GMPR: variants seen among roughly 807,000 people sequenced by gnomAD.
GMPR encodes guanosine monophosphate reductase, also known as GMP reductase 1.
In GMPR, 31 loss-of-function variants were observed where a neutral mutation model predicts 38.4. That is an observed-to-expected ratio of 0.81 (90% CI 0.61 to 1.09). GMPR has a LOEUF of 1.09. GMPR is among the 50% of genes least tolerant of loss of function. The probability of loss-of-function intolerance (pLI) is 0.00; values close to 1 mark genes in which losing one functional copy is unlikely to be tolerated. For synonymous variants in GMPR, 162 were observed against 173.3 expected, an observed-to-expected ratio of 0.93 and a Z score of 0.51; for missense variants, 468 against 453.7, an observed-to-expected ratio of 1.03 and a Z score of -0.29.
chr6:16,255,841 T>C lies in GMPR; in HGVS notation c.465+1106T>C, dbSNP rs78761509. ...GAAAGTTGGGAGGAAGGAATTGTTA[T>C]GGAGTAAAGTCTTCTTCTAAAGGAC... On this transcript the variant is annotated intron_variant, in intron 4 of 8. Coordinates refer to ENST00000259727, the MANE Select transcript of GMPR (RefSeq NM_006877.4). Among the ~76,000 whole-genome samples, 5 of 152,382 alleles carry C rather than the reference T, an allele frequency of 3.3e-5. No homozygotes were observed. In the East Asian group the frequency reaches 5.8e-4, roughly 18 times the overall value.
intron 4 of GMPR, among the ~76,000 whole-genome samples, chr6:16,273,367 TA>T (rs1188434524): frequency 2.6e-5 from 4 of 152,228 alleles, no homozygotes; most frequent in Admixed American, 1.3e-4. Context: ...TCTTGCCAAG[TA>T]TCCTATATAC....
At chr6:16,254,291 C>T (rs1758931430) in intron 3 of GMPR, among the ~76,000 whole-genome samples, 1 of 152,206 alleles carries the variant, frequency 6.6e-6, no homozygotes, top group Non-Finnish European at 1.5e-5. Flanking sequence ...GTCTCAAACT[C>T]CTGACCTCAG....
rs756617074 is a variant in GMPR, at chr6:16,254,602, A to G, written c.332A>G (p.Glu111Gly). 6.2e-7 allele frequency: 1 copy of G among 1,613,980 alleles called. No individual in the cohort carries two copies. Among genetic ancestry groups the G allele is most frequent in the Admixed American group, 1.7e-5 (1 of 60,032 alleles). The change falls in exon 4 of 9, where the codon GAA becomes GGA. Residue 111 changes from glutamate to glycine, a missense_variant. Physicochemically the swap from Glu to Gly is moderately conservative, Grantham distance 98 (BLOSUM62 -2). Transcript: ENST00000259727. ...TCAGGCAGTGGGCAGAATGATCTGGAAAAGATGACCAGCATCCTGGAAGCT... is the reference window on the plus strand; with the variant it reads ...TCAGGCAGTGGGCAGAATGATCTGGGAAAGATGACCAGCATCCTGGAAGCT... ...VSSGSGQNDL[E>G]KMTSILEAVP...
chr6:16,268,341 C>T (rs944137184), intron 4 of GMPR, among the ~76,000 whole-genome samples: 1 of 152,146 alleles, frequency 6.6e-6, no homozygotes, highest in African/African-American at 2.4e-5. Context: ...TTGAGATGGA[C>T]TCTCACTCTG....
intron 7 of GMPR, among the ~76,000 whole-genome samples, chr6:16,289,218 C>T (rs904324889): frequency 1.3e-5 from 2 of 152,170 alleles, no homozygotes; most frequent in East Asian, 1.9e-4. Context: ...AAGGAAAAAG[C>T]CTCAGCCGCG....
chr6:16,274,764 C>G (rs1013848435), intron 5 of GMPR, among the ~76,000 whole-genome samples: 1 of 151,964 alleles, frequency 6.6e-6, no homozygotes, highest in African/African-American at 2.4e-5. Context: ...GGTTTCAGAA[C>G]CAATGTGGAA....
At chr6:16,288,137 G>T (rs775195646) in intron 7 of GMPR, among the ~76,000 whole-genome samples, 7 of 152,252 alleles carry the variant, frequency 4.6e-5, no homozygotes, top group Non-Finnish European at 7.3e-5. Flanking sequence ...TCCTCTGCCT[G>T]GGCTCCCACT....
At chr6:16,259,290 T>C (rs1210125368) in intron 4 of GMPR, 1 of 151,896 alleles carries the variant, frequency 6.6e-6, no homozygotes, top group East Asian at 1.9e-4. Context: ...GGCAATGTCA[T>C]CAGTTAAGGC....
chr6:16,283,464 G>A (rs1759614318), intron 6 of GMPR, among the ~76,000 whole-genome samples: 1 of 152,214 alleles, frequency 6.6e-6, no homozygotes, highest in Non-Finnish European at 1.5e-5. Flanking sequence ...AAGGCATCAT[G>A]TGAAGTTGGA....
chr6:16,244,528 C>T (rs950512445), intron 1 of GMPR, among the ~76,000 whole-genome samples: 2 of 152,136 alleles, frequency 1.3e-5, no homozygotes, highest in Admixed American at 1.3e-4. Context: ...ACTTTTGAGC[C>T]CCTGACATGT....
At chr6:16,261,009 TAG>T (rs1759073134) in intron 4 of GMPR, among the ~76,000 whole-genome samples, 1 of 151,908 alleles carries the variant, frequency 6.6e-6, no homozygotes, top group African/African-American at 2.4e-5. Flanking sequence ...ATGAGAAATG[TAG>T]AGAGTAAGTT....
intron 7 of GMPR, among the ~76,000 whole-genome samples, chr6:16,288,650 C>T (rs763857873): frequency 9.9e-5 from 15 of 152,226 alleles, no homozygotes; most frequent in African/African-American, 1.4e-4. Flanking sequence ...AGGCGCAGGG[C>T]GTGGGACTGG....
chr6:16,240,818 C>T (rs1347126021), intron 1 of GMPR, among the ~76,000 whole-genome samples: 1 of 152,126 alleles, frequency 6.6e-6, no homozygotes, highest in Non-Finnish European at 1.5e-5. Flanking sequence ...CTTGAGGAGT[C>T]TCTTTTGTAT....
chr6:16,267,760 T>C (rs565936430), intron 4 of GMPR, among the ~76,000 whole-genome samples: 2 of 152,188 alleles, frequency 1.3e-5, no homozygotes, highest in African/African-American at 4.8e-5. Context: ...TGGCTCTTTC[T>C]GATCTGGTCT....
intron 4 of GMPR, among the ~76,000 whole-genome samples, chr6:16,263,696 TGC>T: frequency 7.5e-6 from 1 of 133,502 alleles, no homozygotes; most frequent in South Asian, 2.6e-4. Flanking sequence ...GGGATTGGGG[TGC>T]AGAGATAAGA....
At chr6:16,242,680 C>T (rs972523138) in intron 1 of GMPR, among the ~76,000 whole-genome samples, 1 of 151,764 alleles carries the variant, frequency 6.6e-6, no homozygotes, top group East Asian at 1.9e-4. Context: ...CTCTTGTTGC[C>T]CAGGCTGGAG....
At chr6:16,278,628 C>A (rs371385850) in intron 5 of GMPR, among the ~76,000 whole-genome samples, 156 bp from the exon 6 acceptor site, 1 of 152,188 alleles carries the variant, frequency 6.6e-6, no homozygotes, top group East Asian at 1.9e-4. Context: ...TGACCTCCAT[C>A]GTGCAGATGG....
intron 2 of GMPR, 88 bp downstream of exon 2, chr6:16,247,049 AG>A (rs1758772113): frequency 1.6e-6 from 2 of 1,259,844 alleles, no homozygotes; most frequent in Non-Finnish European, 2.2e-6. Context: ...TTCAGACACA[AG>A]GAAGAGTAGA....
chr6:16,288,854 G>T (rs1468759253), intron 7 of GMPR, among the ~76,000 whole-genome samples: 1 of 152,032 alleles, frequency 6.6e-6, no homozygotes, highest in Non-Finnish European at 1.5e-5. Flanking sequence ...TTTTGTGAAT[G>T]CACCAATCCA....
Sources: gnomAD v4.1 joint callset for allele counts (sites outside exome capture counted in the v4.1 genomes callset) on GRCh38, gnomAD v4.1.1 for gene constraint, MANE v1.5 for transcripts, NCBI Gene and HGNC (gene_info 2026-07-23, HGNC 2026-07-21) for gene names.